Variants in TUT4 observed in about 807,000 individuals in gnomAD.
TUT4 encodes terminal uridylyl transferase 4, also known as terminal uridylyltransferase 4.
In TUT4, 36 loss-of-function variants were observed where a neutral mutation model predicts 192.2. The observed-to-expected ratio is 0.19, with a 90% CI of 0.14 to 0.25. The LOEUF (loss-of-function observed/expected upper bound fraction) is 0.25, where lower values mean the gene tolerates loss of function less well. Ranked by LOEUF, TUT4 falls within the 10% of genes least tolerant of loss-of-function variation. The probability of loss-of-function intolerance (pLI) is 1.00; values close to 1 mark genes in which losing one functional copy is unlikely to be tolerated. For missense variants in TUT4, 1,493 were observed against 1,957.2 expected, an observed-to-expected ratio of 0.76 and a Z score of 4.47; for synonymous variants, 618 against 666.0, an observed-to-expected ratio of 0.93 and a Z score of 1.11.
intron 1 of TUT4, among the ~76,000 whole-genome samples, chr1:52,550,649 C>T (rs1689200277): frequency 6.6e-6 from 1 of 152,008 alleles, no homozygotes. Flanking sequence ...CACACCACCA[C>T]GCCCAGCTAA....
At chr1:52,490,150 C>CT (rs34451806) in intron 8 of TUT4, among the ~76,000 whole-genome samples, 32,199 of 120,368 alleles carry the variant, frequency 0.27, 5,667 homozygotes, top group East Asian at 0.44. Flanking sequence ...AGAAGAGAGG[C>CT]TTTTTTTTTT....
At chr1:52,510,091 C>A (rs1189658747) in intron 3 of TUT4, among the ~76,000 whole-genome samples, 1 of 151,956 alleles carries the variant, frequency 6.6e-6, no homozygotes, top group Non-Finnish European at 1.5e-5. Context: ...GCTGGCAGAT[C>A]ACTTGAGCTC....
chr1:52,534,401 T>C (rs987638071), intron 1 of TUT4, among the ~76,000 whole-genome samples: 3 of 152,234 alleles, frequency 2.0e-5, no homozygotes, highest in African/African-American at 4.8e-5. Context: ...GGTCTCCATA[T>C]GCTTCCTTCG....
At chr1:52,494,593 G>A (rs1319752351) in intron 6 of TUT4, among the ~76,000 whole-genome samples, 1 of 152,206 alleles carries the variant, frequency 6.6e-6, no homozygotes, top group Non-Finnish European at 1.5e-5. Flanking sequence ...TCAGGAGGCT[G>A]AGACAGGAGA....
At chr1:52,530,496 CTCTT>C (rs1400455275) in intron 1 of TUT4, among the ~76,000 whole-genome samples, 1 of 152,164 alleles carries the variant, frequency 6.6e-6, no homozygotes, top group African/African-American at 2.4e-5. Flanking sequence ...TCCAATTACA[CTCTT>C]TATTTGTAAA....
At chr1:52,492,328 A>G (rs1399095503) in intron 7 of TUT4, among the ~76,000 whole-genome samples, 1 of 152,182 alleles carries the variant, frequency 6.6e-6, no homozygotes, top group South Asian at 2.1e-4. Flanking sequence ...ATTAAAGCCA[A>G]TGAGAGAGTA....
At chr1:52,436,241 TTTG>T (rs1466714281) in intron 26 of TUT4, among the ~76,000 whole-genome samples, 3 of 152,116 alleles carry the variant, frequency 2.0e-5, no homozygotes, top group African/African-American at 7.2e-5. Flanking sequence ...ATCCCAGCAC[TTTG>T]GGAGGCCAAG....
At chr1:52,520,162 C>T (rs116758012) in intron 2 of TUT4, among the ~76,000 whole-genome samples, 4,256 of 152,166 alleles carry the variant, frequency 0.028, 79 homozygotes, top group South Asian at 0.064. Flanking sequence ...GAAAACTATG[C>T]GGATGGAGCA....
chr1:52,437,416 T>G (rs1302862961), intron 25 of TUT4: 1 of 159,146 alleles, frequency 6.3e-6, no homozygotes, highest in Non-Finnish European at 1.4e-5. Flanking sequence ...TACTACAGTA[T>G]ACAGAACCTG....
At chr1:52,515,456 T>G (rs1678475165) in intron 3 of TUT4, 1 of 199,758 alleles carries the variant, frequency 5.0e-6, no homozygotes, top group Non-Finnish European at 1.0e-5. Context: ...TGGCAAAGAC[T>G]AAATATTTTA....
At chr1:52,546,005 C>T (rs151218493) in intron 1 of TUT4, among the ~76,000 whole-genome samples, 4,191 of 149,524 alleles carry the variant, frequency 0.028, 79 homozygotes, top group South Asian at 0.063. Flanking sequence ...CAGGTGTGGT[C>T]GCAAGCGCCC....
chr1:52,428,750 C>T (rs1339954516), intron 28 of TUT4, among the ~76,000 whole-genome samples: 1 of 151,976 alleles, frequency 6.6e-6, no homozygotes, highest in Admixed American at 6.6e-5. Context: ...GAGATTGTTC[C>T]ACTGCACTCC....
chr1:52,505,921 C>T (rs961975721), intron 4 of TUT4, among the ~76,000 whole-genome samples: 3 of 151,986 alleles, frequency 2.0e-5, no homozygotes, highest in African/African-American at 7.3e-5. Flanking sequence ...ACTGCAACCT[C>T]AACTTTCTGG....
At chr1:52,468,137 T>G (rs1444855536) in intron 15 of TUT4, 44 bp downstream of exon 15, 5 of 1,409,632 alleles carry the variant, frequency 3.5e-6, no homozygotes, top group Non-Finnish European at 5.0e-6. Flanking sequence ...CAAGACTACA[T>G]GACTACAGCA....
chr1:52,540,376 T>C (rs192668335), intron 1 of TUT4, among the ~76,000 whole-genome samples: 1 of 151,036 alleles, frequency 6.6e-6, no homozygotes, highest in East Asian at 2.0e-4. Context: ...AATTGCAGGG[T>C]GTGGTGGCAT....
chr1:52,433,776 A>T (rs756728401), intron 27 of TUT4: 1 of 152,184 alleles, frequency 6.6e-6, no homozygotes, highest in Non-Finnish European at 1.5e-5. Flanking sequence ...TATAAAATAT[A>T]ATCAGAATTT....
intron 4 of TUT4, among the ~76,000 whole-genome samples, chr1:52,498,902 T>TTATATATATA (rs60991652): frequency 8.6e-5 from 2 of 23,312 alleles, no homozygotes; most frequent in African/African-American, 1.6e-4. Context: ...AAAAAAAAAA[T>TTATATATATA]TATATATATA....
intron 4 of TUT4, among the ~76,000 whole-genome samples, chr1:52,501,959 G>C (rs1427543975): frequency 6.6e-6 from 1 of 152,062 alleles, no homozygotes; most frequent in Non-Finnish European, 1.5e-5. Flanking sequence ...GAGGGGAATG[G>C]GGAGTTATTG....
intron 1 of TUT4, among the ~76,000 whole-genome samples, chr1:52,529,402 A>G (rs1025477742): frequency 6.6e-6 from 1 of 152,228 alleles, no homozygotes; most frequent in Non-Finnish European, 1.5e-5. Flanking sequence ...TTGTCAAAAC[A>G]TATGACTATT....
Sources: allele counts gnomAD v4.1 joint callset (sites outside exome capture counted in the v4.1 genomes callset), GRCh38; gene constraint gnomAD v4.1.1; transcripts MANE v1.5; gene names NCBI Gene and HGNC (gene_info 2026-07-23, HGNC 2026-07-21).